The following FOXK1 variants were observed in gnomAD, a reference collection of about 807,000 sequenced individuals.
The protein encoded by FOXK1 is forkhead box protein K1.
FOXK1 carries 19 observed loss-of-function variants against 51.9 expected under a neutral mutation model. That is an observed-to-expected ratio of 0.37 (90% CI 0.26 to 0.54). The LOEUF is 0.54. Ranked by LOEUF, FOXK1 falls within the 20% of genes least tolerant of loss-of-function variation. The pLI is 0.87. For missense variants in FOXK1, 870 were observed against 1,032.7 expected (o/e 0.84, Z 2.16); for synonymous variants, 537 against 482.6 (o/e 1.11, Z -1.48).
chr7:4,729,869 A>C lies in FOXK1; in HGVS notation c.561-10969A>C, dbSNP rs1169488445. On this transcript the variant is annotated intron_variant, in intron 1 of 8. Coordinates refer to ENST00000328914, the MANE Select transcript of FOXK1 (RefSeq NM_001037165.2). This position sits in a 1 kb window ranked among gnomAD's most constrained non-coding sequence, Gnocchi z 6.2. ...GCCAGGCCTGGTAGTGGGTACCAGT[A>C]ATCCTAGCTACTCGGGAGGCTGAGG... is the stretch of plus-strand genomic sequence containing the variant. Among the ~76,000 whole-genome samples the C allele has an allele frequency of 6.6e-6, 1 of 152,170 alleles. No homozygotes were observed. The highest frequency in any genetic ancestry group is 6.5e-5 in the Admixed American group (1 of 15,278).
intron 1 of FOXK1, among the ~76,000 whole-genome samples, chr7:4,693,947 C>A (rs1779922651): frequency 6.6e-6 from 1 of 152,132 alleles, no homozygotes; most frequent in South Asian, 2.1e-4. Flanking sequence ...GTGGCATGAT[C>A]ACAGCTCACT....
intron 1 of FOXK1, among the ~76,000 whole-genome samples, chr7:4,687,348 A>G (rs1779833690): frequency 6.6e-6 from 1 of 151,788 alleles, no homozygotes; most frequent in Non-Finnish European, 1.5e-5. Context: ...GCTGGAGTGC[A>G]GGGGTGTGAT....
rs769784955 is a variant in FOXK1, at chr7:4,759,120, G to C, written c.1314G>C (p.Glu438Asp). The C allele has an allele frequency of 1.2e-6, 2 of 1,612,008 alleles. No individual in the cohort carries two copies. Among genetic ancestry groups the C allele is most frequent in the Admixed American group, 1.7e-5 (1 of 60,016 alleles). The stretch of plus-strand genomic sequence containing the variant: ...GCTCCGGCGGCCTGCAGACCCCAGA[G>C]TGCCTGTCTCGGGAGGGCTCCCCCA... ...SPRSGGLQTP[E>D]CLSREGSPIP... Residue 438 changes from glutamate to aspartate, a missense_variant, in exon 6 of 9, where the codon GAG (glutamate) becomes GAC (aspartate). Glu to Asp is a conservative substitution (Grantham distance 45). Transcript: ENST00000328914.
chr7:4,705,786 G>A (rs906210886), intron 1 of FOXK1, among the ~76,000 whole-genome samples: 2 of 127,988 alleles, frequency 1.6e-5, no homozygotes, highest in South Asian at 2.4e-4. Context: ...ACCCCCCCCC[G>A]CCTCAGCCTC....
chr7:4,683,382 C>A lies in FOXK1; in HGVS notation c.560+514C>A, dbSNP rs928143011. Among the ~76,000 whole-genome samples the A allele has an allele frequency of 3.3e-5, 5 of 151,930 alleles. No individual in the cohort carries two copies. Among genetic ancestry groups the A allele is most frequent in the Admixed American group, 3.3e-4 (5 of 15,260 alleles). Reference sequence around the variant, plus strand: ...TCCCTGGGGTCATCTACGTCCCTACCCTGCCTAAACACGCAAGGTTAACCG... The same window carrying A: ...TCCCTGGGGTCATCTACGTCCCTACACTGCCTAAACACGCAAGGTTAACCG... On this transcript the variant is annotated intron_variant, in intron 1 of 8. Transcript: ENST00000328914. This position sits in a 1 kb window ranked among gnomAD's most constrained non-coding sequence, Gnocchi z 4.5.
Position 4,734,850 on chromosome 7 carries a change from T to C in FOXK1, c.561-5988T>C, listed in dbSNP as rs987187537. On this transcript the variant is annotated intron_variant, in intron 1 of 8. Transcript: ENST00000328914. This position sits in a 1 kb window ranked among gnomAD's most constrained non-coding sequence, Gnocchi z 5.2. ...CCCCATCCAGAAAGTAAACCCGTCC[T>C]TCCGCTGGGAGAGACGGGGCGAGGG... 6.6e-6 allele frequency among the ~76,000 whole-genome samples: 1 copy of C among 152,212 alleles called. No homozygotes were observed. Among genetic ancestry groups the C allele is most frequent in the African/African-American group, 2.4e-5 (1 of 41,460 alleles).
At position 4,721,226 on chromosome 7, in the gene FOXK1, A is replaced by G. The variant is rs372839782; in HGVS notation, c.561-19612A>G. Among the ~76,000 whole-genome samples the G allele has an allele frequency of 4.6e-5, 7 of 152,216 alleles. No individual in the cohort carries two copies. In the South Asian group the frequency reaches 1.5e-3, roughly 32 times the overall value. On this transcript the variant is annotated intron_variant, in intron 1 of 8. Transcript: ENST00000328914. ...TGCAGCAGCTCAGACTGGAGCTTGGATCCTGGACATCGTGGGGGCTTTGCC... is the reference window on the plus strand; with the variant it reads ...TGCAGCAGCTCAGACTGGAGCTTGGGTCCTGGACATCGTGGGGGCTTTGCC...
intron 1 of FOXK1, among the ~76,000 whole-genome samples, chr7:4,705,691 A>G (rs1231058669): frequency 1.3e-5 from 2 of 151,158 alleles, no homozygotes; most frequent in African/African-American, 4.9e-5. Context: ...GGCTTGTGCC[A>G]CCATGCCCGG....
intron 2 of FOXK1, 75 bp downstream of exon 2, chr7:4,741,098 C>T: frequency 9.4e-7 from 1 of 1,062,322 alleles, no homozygotes; most frequent in Non-Finnish European, 1.3e-6. Context: ...TCGTACGCAG[C>T]ACCGGGTTCC....
rs1304499893 is a variant in FOXK1 at position 4,753,198 on chromosome 7, C to T, written c.747-1261C>T. Among the ~76,000 whole-genome samples, 2 of 152,172 alleles carry T rather than the reference C, an allele frequency of 1.3e-5. No individual in the cohort carries two copies. Among genetic ancestry groups the T allele is most frequent in the Non-Finnish European group, 2.9e-5 (2 of 68,032 alleles). ...TGAACTGATCATTAATGTCAGCTGT[C>T]AGGTTTTTCTCAGCCACAGGATTTT... On this transcript the variant is annotated intron_variant, in intron 2 of 8. Coordinates refer to ENST00000328914, the MANE Select transcript of FOXK1 (RefSeq NM_001037165.2). The surrounding 1 kb of genome is among the most constrained non-coding windows in gnomAD (Gnocchi z 4.9).
At position 4,753,218 on chromosome 7, in the gene FOXK1, G is replaced by A. The variant is rs1780801554; in HGVS notation, c.747-1241G>A. Among the ~76,000 whole-genome samples, 1 of 152,170 alleles carries A rather than the reference G, an allele frequency of 6.6e-6. No individual in the cohort carries two copies. The highest frequency in any genetic ancestry group is 2.4e-5 in the African/African-American group (1 of 41,430). The stretch of plus-strand genomic sequence containing the variant: ...GCTGTCAGGTTTTTCTCAGCCACAG[G>A]ATTTTTTTCATTCATTCCTCTGCTC... On this transcript the variant is annotated intron_variant, in intron 2 of 8. Transcript: ENST00000328914. The surrounding 1 kb of genome is among the most constrained non-coding windows in gnomAD (Gnocchi z 4.9).
chr7:4,744,374 C>G (rs902451395), intron 2 of FOXK1, among the ~76,000 whole-genome samples: 1 of 152,040 alleles, frequency 6.6e-6, no homozygotes, highest in Non-Finnish European at 1.5e-5. Flanking sequence ...AACCGCGTAC[C>G]CCGTAGGTCA....
At chr7:4,708,611 G>T (rs74766197) in intron 1 of FOXK1, among the ~76,000 whole-genome samples, 9,382 of 152,344 alleles carry the variant, frequency 0.062, 415 homozygotes, top group Middle Eastern at 0.13. Flanking sequence ...ATAAACTTGT[G>T]TGTGGCCTGG....
At chr7:4,685,133 T>C (rs28738872) in intron 1 of FOXK1, among the ~76,000 whole-genome samples, 1 of 151,618 alleles carries the variant, frequency 6.6e-6, no homozygotes, top group African/African-American at 2.4e-5. Context: ...TAGGCAGCAA[T>C]GTAAAATTTA....
In FOXK1 at chr7:4,763,359, T is replaced by G. The variant is rs1780964245; in HGVS notation, c.*895T>G. 1 of 152,238 alleles carries G rather than the reference T, an allele frequency of 6.6e-6. No homozygotes were observed. The highest frequency in any genetic ancestry group is 2.4e-5 in the African/African-American group (1 of 41,450). The allele number at this position is 152,238 out of a possible 1,614,324, so 9.4% of individuals were successfully genotyped here. A position where few individuals can be genotyped will look rare whatever the true frequency, so the allele number is the denominator to read the frequency against. ...CTCTGCAGACCAGACCTTCCCGAAT[T>G]ATCCGTGGCTCCGATGTCCCGGTGC... On this transcript the variant is annotated 3_prime_UTR_variant, in exon 9 of 9. Transcript: ENST00000328914.
intron 1 of FOXK1, among the ~76,000 whole-genome samples, chr7:4,710,165 G>A (rs1780156970): frequency 6.6e-6 from 1 of 152,208 alleles, no homozygotes; most frequent in Admixed American, 6.5e-5. Flanking sequence ...GACTTTGGAC[G>A]AGTAGTTCAT....
At chr7:4,692,212 C>T (rs934099788) in intron 1 of FOXK1, among the ~76,000 whole-genome samples, 2 of 152,098 alleles carry the variant, frequency 1.3e-5, no homozygotes, top group African/African-American at 4.8e-5. Context: ...TAATAGAAGA[C>T]AGCTGGAATC....
intron 1 of FOXK1, among the ~76,000 whole-genome samples, chr7:4,737,540 GTGTGTGCGTGCC>G (rs1351446615): frequency 7.5e-6 from 1 of 133,068 alleles, no homozygotes; most frequent in East Asian, 2.5e-4. Context: ...ATTCATGCAC[GTGTGTGCGTGCC>G]TGTGTGTGTG....
chr7:4,739,903 A>G (rs1332781241), intron 1 of FOXK1, among the ~76,000 whole-genome samples: 1 of 152,264 alleles, frequency 6.6e-6, no homozygotes, highest in East Asian at 1.9e-4. Flanking sequence ...CCTGGCAGAC[A>G]GGAAGTAGCC....
Sources: allele counts gnomAD v4.1 joint callset (sites outside exome capture counted in the v4.1 genomes callset), GRCh38; gene constraint gnomAD v4.1.1; non-coding constraint Gnocchi (gnomAD v3.1); transcripts MANE v1.5; gene names NCBI Gene and HGNC (gene_info 2026-07-23, HGNC 2026-07-21).